The following DPF3 variants were observed in gnomAD, a reference collection of about 807,000 sequenced individuals.
The protein encoded by DPF3 is double PHD fingers 3, also known as zinc finger protein DPF3.
DPF3 carries 18 observed loss-of-function variants against 56.8 expected under a neutral mutation model. The observed-to-expected ratio is 0.32, with a 90% CI of 0.22 to 0.47. The LOEUF is 0.47. Among genes scored for constraint, DPF3 ranks in the 20% least tolerant of loss-of-function variants. DPF3 has a pLI of 1.00. For synonymous variants in DPF3, 188 were observed against 180.2 expected (o/e 1.04, Z -0.35); for missense variants, 403 against 488.8 (o/e 0.82, Z 1.65).
rs754085997 is a variant in DPF3, at chr14:72,612,642, C to T, written c.*6655G>A. 9.7e-6 allele frequency: 5 copies of T among 518,120 alleles called. No individual in the cohort carries two copies. Among genetic ancestry groups the T allele is most frequent in the African/African-American group, 9.6e-5 (5 of 51,890 alleles). 32.1% of individuals were successfully genotyped at this position (518,120 alleles called of 1,614,324 possible). A position where few individuals can be genotyped will look rare whatever the true frequency, so the allele number is the denominator to read the frequency against. ...AATCAGGGTCTCAGTGGGGAGTAGA[C>T]ATGGAAGGGCAAACCAAGTCCGTAT... On this transcript the variant is annotated 3_prime_UTR_variant, in exon 11 of 11. Transcript: ENST00000556509.
chr14:72,836,805 A>G (rs1203996633), intron 1 of DPF3, among the ~76,000 whole-genome samples: 1 of 152,094 alleles, frequency 6.6e-6, no homozygotes, highest in Non-Finnish European at 1.5e-5. Context: ...ATCCCCTCTC[A>G]GAATGCAAAC....
chr14:72,783,064 C>G (rs1283085720), intron 1 of DPF3, among the ~76,000 whole-genome samples: 1 of 152,120 alleles, frequency 6.6e-6, no homozygotes, highest in Non-Finnish European at 1.5e-5. Flanking sequence ...TATCTCACCT[C>G]AGGACCTTTG....
chr14:72,665,731 T>C (rs1388191398), intron 8 of DPF3, among the ~76,000 whole-genome samples: 1 of 152,204 alleles, frequency 6.6e-6, no homozygotes, highest in Non-Finnish European at 1.5e-5. Flanking sequence ...AAAAGGACAC[T>C]AGTGAGACAA....
At chr14:72,667,360 C>T (rs577260717) in intron 8 of DPF3, among the ~76,000 whole-genome samples, 2 of 152,260 alleles carry the variant, frequency 1.3e-5, no homozygotes, top group South Asian at 4.2e-4. Flanking sequence ...CAACAGCCCC[C>T]CTCCCCAGGG....
At position 72,610,396 on chromosome 14, in the gene DPF3, G is replaced by A. The variant is rs940462966; in HGVS notation, c.*8901C>T. On this transcript the variant is annotated 3_prime_UTR_variant, in exon 11 of 11. Coordinates refer to ENST00000556509, the MANE Select transcript of DPF3 (RefSeq NM_001280542.3). ...AAAGCCCACCCAGAGGAATCCCAGC[G>A]TTCACAAATGGAGGCGCCCTCACCA... 1.2e-4 allele frequency among the ~76,000 whole-genome samples: 18 copies of A among 152,138 alleles called. No homozygotes were observed. The highest frequency in any genetic ancestry group is 2.2e-4 in the Non-Finnish European group (15 of 68,018).
intron 1 of DPF3, among the ~76,000 whole-genome samples, chr14:72,820,021 G>A (rs1045669378): frequency 2.0e-5 from 3 of 152,126 alleles, no homozygotes; most frequent in African/African-American, 7.2e-5. Context: ...GTTACAGAGA[G>A]GGGGTGAGTA....
rs377078636 is a variant in DPF3, at chr14:72,686,345, G to T, written c.742+6731C>A. ...TGGGACATTAGTGCTCACAGGCATG[G>T]TGCCAAACATTCACATTATCTCATT... On this transcript the variant is annotated intron_variant, in intron 7 of 10. Coordinates refer to ENST00000556509, the MANE Select transcript of DPF3 (RefSeq NM_001280542.3). Among the ~76,000 whole-genome samples the T allele has an allele frequency of 1.7e-4, 26 of 152,356 alleles. No individual in the cohort carries two copies. In the South Asian group the frequency reaches 5.4e-3, roughly 32 times the overall value.
At chr14:72,677,701 C>T (rs1000544825) in intron 7 of DPF3, among the ~76,000 whole-genome samples, 3 of 152,110 alleles carry the variant, frequency 2.0e-5, no homozygotes, top group African/African-American at 7.2e-5. Flanking sequence ...TCATTCACTG[C>T]CCCTGGTTTA....
chr14:72,773,499 G>A (rs1265262612), intron 1 of DPF3, among the ~76,000 whole-genome samples: 3 of 152,174 alleles, frequency 2.0e-5, no homozygotes, highest in Admixed American at 2.0e-4. Flanking sequence ...TACAGTTTAA[G>A]TGTACAGTTC....
At chr14:72,760,639 T>G (rs2139919929) in intron 2 of DPF3, among the ~76,000 whole-genome samples, 1 of 152,264 alleles carries the variant, frequency 6.6e-6, no homozygotes, top group South Asian at 2.1e-4. Flanking sequence ...GAAAGTTAAC[T>G]ATAATTAAAG....
At chr14:72,864,716 TC>T (rs1318578094) in intron 1 of DPF3, among the ~76,000 whole-genome samples, 1 of 147,068 alleles carries the variant, frequency 6.8e-6, no homozygotes, top group Non-Finnish European at 1.5e-5. Flanking sequence ...ATGGATGGAT[TC>T]TATAATCAGT....
chr14:72,729,527 A>G (rs539405340), intron 4 of DPF3, among the ~76,000 whole-genome samples: 19 of 152,216 alleles, frequency 1.2e-4, no homozygotes, highest in Non-Finnish European at 2.1e-4. Flanking sequence ...AATGATAAGA[A>G]TAGACTTAAA....
At chr14:72,841,247 T>C (rs1315188384) in intron 1 of DPF3, among the ~76,000 whole-genome samples, 1 of 152,170 alleles carries the variant, frequency 6.6e-6, no homozygotes, top group African/African-American at 2.4e-5. Flanking sequence ...ATTTATAAGG[T>C]ACCTGGGGCT....
At position 72,612,332 on chromosome 14, in the gene DPF3, C is replaced by A; in HGVS notation, c.*6965G>T. The A allele has an allele frequency of 2.3e-6, 1 of 435,924 alleles. No individual in the cohort carries two copies. Among genetic ancestry groups the A allele is most frequent in the Middle Eastern group, 4.9e-4 (1 of 2,040 alleles). 27.0% of individuals were successfully genotyped at this position (435,924 alleles called of 1,614,324 possible). ...GCCAGGGACGCCCTGCCTACCTACC[C>A]CGCCTCTCTCCAGCCACCTGCTCCC... On this transcript the variant is annotated 3_prime_UTR_variant, in exon 11 of 11. Transcript: ENST00000556509.
At chr14:72,844,362 C>T (rs1340369440) in intron 1 of DPF3, among the ~76,000 whole-genome samples, 1 of 152,160 alleles carries the variant, frequency 6.6e-6, no homozygotes, top group African/African-American at 2.4e-5. Context: ...GGTCATGAAA[C>T]TCAATAAAGC....
chr14:72,621,658 G>C (rs768432831), intron 9 of DPF3, among the ~76,000 whole-genome samples: 2 of 152,176 alleles, frequency 1.3e-5, no homozygotes, highest in African/African-American at 2.4e-5. Context: ...GTGGGGGAGA[G>C]GTTCATTCAA....
At chr14:72,878,532 A>C (rs1234681307) in intron 1 of DPF3, among the ~76,000 whole-genome samples, 1 of 152,236 alleles carries the variant, frequency 6.6e-6, no homozygotes, top group Non-Finnish European at 1.5e-5. Flanking sequence ...CTTGGGTTTA[A>C]ACCATTACAG....
chr14:72,666,969 G>C (rs759863920), intron 8 of DPF3, among the ~76,000 whole-genome samples: 6 of 152,140 alleles, frequency 3.9e-5, no homozygotes, highest in Non-Finnish European at 8.8e-5. Flanking sequence ...CCACCATGAG[G>C]TGAGAACCCC....
chr14:72,641,257 A>G (rs1885556367), intron 8 of DPF3, among the ~76,000 whole-genome samples: 1 of 152,234 alleles, frequency 6.6e-6, no homozygotes, highest in South Asian at 2.1e-4. Flanking sequence ...AGATGGCCTC[A>G]CAACATGCTT....
Sources: gnomAD v4.1 joint callset for allele counts (sites outside exome capture counted in the v4.1 genomes callset) on GRCh38, gnomAD v4.1.1 for gene constraint, MANE v1.5 for transcripts, NCBI Gene and HGNC (gene_info 2026-07-23, HGNC 2026-07-21) for gene names.